MPPED2: variants seen among roughly 807,000 people sequenced by gnomAD.
The protein encoded by MPPED2 is metallophosphoesterase domain containing 2.
MPPED2 carries 5 observed loss-of-function variants against 33.0 expected under a neutral mutation model. That is an observed-to-expected ratio of 0.15 (90% CI 0.08 to 0.32). MPPED2 has a LOEUF of 0.32. MPPED2 is among the 10% of genes least tolerant of loss of function. The pLI, the probability that MPPED2 is intolerant of heterozygous loss-of-function variation, is 1.00. For missense variants in MPPED2, 275 were observed against 372.1 expected (o/e 0.74, Z 2.15); for synonymous variants, 136 against 141.9 (o/e 0.96, Z 0.29).
At chr11:30,433,082 G>A (rs1365432752) in intron 4 of MPPED2, among the ~76,000 whole-genome samples, 1 of 152,222 alleles carries the variant, frequency 6.6e-6, no homozygotes, top group Non-Finnish European at 1.5e-5. Context: ...GAGTTGGAGA[G>A]AGGTGAACCA....
At chr11:30,445,707 T>C (rs1949774296) in intron 4 of MPPED2, among the ~76,000 whole-genome samples, 1 of 152,242 alleles carries the variant, frequency 6.6e-6, no homozygotes, top group South Asian at 2.1e-4. Context: ...TAATACAATA[T>C]ACGTTCTTTT....
rs1380026908 is a variant in MPPED2 at position 30,414,301 on chromosome 11, G to A, written c.693C>T (p.Gly231=). Residue 231 remains glycine (G), a synonymous_variant, in exon 6 of 7, where the codon GGC becomes GGT. Transcript: ENST00000358117. ...GAACCGTGTTTAACAGCTCCACACAGCCCACTCTTTGAAGCTCCTTTGGAA... is the reference window on the plus strand; with the variant it reads ...GAACCGTGTTTAACAGCTCCACACAACCCACTCTTTGAAGCTCCTTTGGAA... The part of the protein sequence containing the change: ...DWVPKELQRV[G]CVELLNTVQR... 6.2e-7 allele frequency: 1 copy of A among 1,613,900 alleles called. No individual in the cohort carries two copies. Among genetic ancestry groups the A allele is most frequent in the East Asian group, 2.2e-5 (1 of 44,882 alleles).
At chr11:30,427,836 A>T (rs1253577639) in intron 4 of MPPED2, among the ~76,000 whole-genome samples, 1 of 152,038 alleles carries the variant, frequency 6.6e-6, no homozygotes, top group Non-Finnish European at 1.5e-5. Flanking sequence ...TTCTTTTTTT[A>T]TTTAACTTTT....
At chr11:30,412,550 T>G (rs959483292) in intron 6 of MPPED2, among the ~76,000 whole-genome samples, 1 of 152,146 alleles carries the variant, frequency 6.6e-6, no homozygotes, top group Non-Finnish European at 1.5e-5. Flanking sequence ...TTGGCTAAAA[T>G]TTCTCCAAGT....
intron 4 of MPPED2, among the ~76,000 whole-genome samples, chr11:30,451,326 C>T (rs550403978): frequency 1.3e-5 from 2 of 152,298 alleles, no homozygotes; most frequent in Admixed American, 1.3e-4. Flanking sequence ...AAAGCTTAGG[C>T]CCCTCTTGTC....
intron 4 of MPPED2, among the ~76,000 whole-genome samples, chr11:30,470,778 T>C (rs970306454): frequency 6.6e-6 from 1 of 152,198 alleles, no homozygotes; most frequent in Non-Finnish European, 1.5e-5. Context: ...TGCTACATTC[T>C]TTATCCTAAC....
chr11:30,520,932 T>C (rs1225939153), intron 3 of MPPED2, among the ~76,000 whole-genome samples: 1 of 151,914 alleles, frequency 6.6e-6, no homozygotes, highest in East Asian at 1.9e-4. Context: ...TTACACTTTG[T>C]AGAAAAGCAC....
At chr11:30,427,743 A>G (rs755956198) in intron 4 of MPPED2, among the ~76,000 whole-genome samples, 9 of 152,228 alleles carry the variant, frequency 5.9e-5, no homozygotes, top group Non-Finnish European at 1.3e-4. Flanking sequence ...AAACAGACGG[A>G]CATGCCTAAT....
At chr11:30,505,457 T>G (rs544549677) in intron 3 of MPPED2, among the ~76,000 whole-genome samples, 1 of 152,348 alleles carries the variant, frequency 6.6e-6, no homozygotes, top group South Asian at 2.1e-4. Context: ...GTGGTAACCG[T>G]CCACCTAAAT....
intron 6 of MPPED2, among the ~76,000 whole-genome samples, chr11:30,392,574 G>A (rs1433034489): frequency 6.6e-6 from 1 of 152,182 alleles, no homozygotes; most frequent in East Asian, 1.9e-4. Context: ...ATCTGAGGTC[G>A]TTGGAAAAAT....
chr11:30,503,800 G>A (rs557386880), intron 3 of MPPED2, among the ~76,000 whole-genome samples: 15 of 152,272 alleles, frequency 9.9e-5, no homozygotes, highest in African/African-American at 3.6e-4. Context: ...AGCACTCACA[G>A]TCAGTAAAGC....
chr11:30,452,651 G>A (rs1437607820), intron 4 of MPPED2, among the ~76,000 whole-genome samples: 1 of 152,188 alleles, frequency 6.6e-6, no homozygotes, highest in Non-Finnish European at 1.5e-5. Context: ...CATGAGCTCT[G>A]GAGTGGCAGG....
At chr11:30,556,328 C>T (rs1407495049) in intron 2 of MPPED2, among the ~76,000 whole-genome samples, 1 of 152,152 alleles carries the variant, frequency 6.6e-6, no homozygotes, top group Non-Finnish European at 1.5e-5. Context: ...CCCCAACCTC[C>T]AAACAATGAA....
chr11:30,442,956 G>A (rs1031459158), intron 4 of MPPED2, among the ~76,000 whole-genome samples: 2 of 152,014 alleles, frequency 1.3e-5, no homozygotes, highest in Non-Finnish European at 2.9e-5. Flanking sequence ...TCACACCACT[G>A]CACGCCAGCC....
chr11:30,525,309 A>G (rs1472341258), intron 3 of MPPED2, among the ~76,000 whole-genome samples: 1 of 152,350 alleles, frequency 6.6e-6, no homozygotes, highest in South Asian at 2.1e-4. Flanking sequence ...GTGCTAGGAC[A>G]CAAGAGTCCT....
intron 6 of MPPED2, among the ~76,000 whole-genome samples, chr11:30,413,258 C>A (rs1948192963): frequency 6.6e-6 from 1 of 152,190 alleles, no homozygotes; most frequent in Non-Finnish European, 1.5e-5. Flanking sequence ...AGGCACACAG[C>A]CTTAAACACC....
intron 4 of MPPED2, among the ~76,000 whole-genome samples, chr11:30,483,846 T>C (rs1279748131): frequency 6.6e-6 from 1 of 152,194 alleles, no homozygotes; most frequent in Non-Finnish European, 1.5e-5. Flanking sequence ...AGCTTTGAGA[T>C]TGATATATCC....
At chr11:30,420,434 T>C (rs931140916) in intron 4 of MPPED2, among the ~76,000 whole-genome samples, 1 of 152,268 alleles carries the variant, frequency 6.6e-6, no homozygotes, top group Non-Finnish European at 1.5e-5. Context: ...GTCAGACTTC[T>C]GACCAACGTA....
chr11:30,385,313 C>CA (rs762134521), exon 7 of MPPED2: 7 of 152,178 alleles, frequency 4.6e-5, no homozygotes, highest in Non-Finnish European at 8.8e-5. Flanking sequence ...GGTTTTACTT[C>CA]AATGTGAACT....
Sources: gnomAD v4.1 joint callset for allele counts (sites outside exome capture counted in the v4.1 genomes callset) on GRCh38, gnomAD v4.1.1 for gene constraint, MANE v1.5 for transcripts, NCBI Gene and HGNC (gene_info 2026-07-23, HGNC 2026-07-21) for gene names.